Variants in EHMT1 observed in about 807,000 individuals in gnomAD.
EHMT1 encodes euchromatic histone lysine methyltransferase 1, also known as histone-lysine N-methyltransferase EHMT1.
In EHMT1, 15 loss-of-function variants were observed where a neutral mutation model predicts 147.2. That is an observed-to-expected ratio of 0.10 (90% CI 0.07 to 0.16). The LOEUF (loss-of-function observed/expected upper bound fraction) is 0.16, where lower values mean the gene tolerates loss of function less well. EHMT1 is among the 10% of genes least tolerant of loss of function. EHMT1 has a pLI of 1.00. For synonymous variants in EHMT1, 795 were observed against 709.6 expected, an observed-to-expected ratio of 1.12 and a Z score of -1.91; for missense variants, 1,587 against 1,772.4, an observed-to-expected ratio of 0.90 and a Z score of 1.88.
intron 6 of EHMT1, among the ~76,000 whole-genome samples, chr9:137,750,852 G>A (rs1192810547): frequency 1.3e-5 from 2 of 152,230 alleles, no homozygotes; most frequent in Admixed American, 6.5e-5. Flanking sequence ...TATAAAGGTC[G>A]ATTGTAAGAC....
chr9:137,788,052 C>T, intron 15 of EHMT1: 1 of 1,364,468 alleles, frequency 7.3e-7, no homozygotes, highest in Non-Finnish European at 1.0e-6. Flanking sequence ...CCTGATGGCT[C>T]CCGCTGGCAA....
intron 25 of EHMT1, among the ~76,000 whole-genome samples, chr9:137,829,109 C>T (rs1200464476): frequency 2.0e-5 from 3 of 152,236 alleles, no homozygotes; most frequent in Non-Finnish European, 2.9e-5. Flanking sequence ...GAGCTCGTGC[C>T]GTGCGCCCAC....
intron 18 of EHMT1, among the ~76,000 whole-genome samples, chr9:137,807,501 ATTTATTTAT>A (rs1564799996): frequency 6.6e-6 from 1 of 150,456 alleles, no homozygotes; most frequent in Non-Finnish European, 1.5e-5. Flanking sequence ...TTATTTATTT[ATTTATTTAT>A]TTATTTGTTT....
intron 16 of EHMT1, among the ~76,000 whole-genome samples, chr9:137,792,430 C>T (rs566827120): frequency 1.3e-5 from 2 of 152,172 alleles, no homozygotes; most frequent in Admixed American, 6.5e-5. Flanking sequence ...TACAGCTGGG[C>T]GTGGTGGCTC....
intron 4 of EHMT1, among the ~76,000 whole-genome samples, chr9:137,737,342 G>A (rs1464846206): frequency 2.0e-5 from 3 of 152,224 alleles, no homozygotes; most frequent in Admixed American, 1.3e-4. Context: ...AGAGAGCACA[G>A]AAATAAACCT....
chr9:137,667,758 C>T lies in EHMT1; in HGVS notation c.22-43209C>T, dbSNP rs546549385. 1.1e-4 allele frequency among the ~76,000 whole-genome samples: 17 copies of T among 152,200 alleles called. 1 individual carries two copies. The South Asian group carries it at 3.5e-3, about 32-fold the overall frequency. On this transcript the variant is annotated intron_variant, in intron 1 of 26. Transcript: ENST00000460843. ...GAAAGGAAATTGTCTACAGTGAAAG[C>T]GTTGTATTTTTAGAGAACTCGGGGA... is the stretch of plus-strand genomic sequence containing the variant.
intron 15 of EHMT1, chr9:137,784,615 C>G: frequency 1.0e-5 from 2 of 191,098 alleles, no homozygotes; most frequent in Non-Finnish European, 1.9e-5. Flanking sequence ...CTGTCAGTCT[C>G]ACATGCAGAC....
chr9:137,826,587 T>C lies in EHMT1; in HGVS notation c.3541-7762T>C, dbSNP rs7858116. On this transcript the variant is annotated intron_variant, in intron 25 of 26. Coordinates refer to ENST00000460843, the MANE Select transcript of EHMT1 (RefSeq NM_024757.5). ...AGTCCAAGGTCAAGGCACCTACTGG[T>C]TTGGTTCTCAGGAGGACCCCACCGC... 4.1e-3 allele frequency among the ~76,000 whole-genome samples: 623 copies of C among 152,276 alleles called. 5 individuals carry two copies. Among genetic ancestry groups the C allele is most frequent in the African/African-American group, 0.013 (527 of 41,552 alleles).
chr9:137,664,288 CTTTTT>C (rs796427218), intron 1 of EHMT1, among the ~76,000 whole-genome samples: 1 of 142,238 alleles, frequency 7.0e-6, no homozygotes, highest in African/African-American at 2.6e-5. Context: ...TTTAGCCATA[CTTTTT>C]TTTTTTTTTT....
At chr9:137,674,044 T>C (rs1459017296) in intron 1 of EHMT1, among the ~76,000 whole-genome samples, 1 of 152,200 alleles carries the variant, frequency 6.6e-6, no homozygotes, top group Non-Finnish European at 1.5e-5. Context: ...AGCTGCTTTT[T>C]TCACACACTG....
Position 137,813,432 on chromosome 9 carries a change from G to A in EHMT1, c.3082G>A (p.Ala1028Thr), listed in dbSNP as rs772023246. 18 of 1,613,468 alleles carry A rather than the reference G, an allele frequency of 1.1e-5. No homozygotes were observed. The African/African-American group carries it at 1.5e-4, about 13-fold the overall frequency. Residue 1028 changes from alanine to threonine, a missense_variant, in exon 21 of 27, where the codon GCC (alanine) becomes ACC (threonine). By Grantham distance (58) the Ala-to-Thr change is moderately conservative. This residue lies in a region of EHMT1 where 156 missense variants were observed against 252.5 expected (regional missense o/e 0.62). Transcript: ENST00000460843. This position sits in a 1 kb window ranked among gnomAD's most constrained non-coding sequence, Gnocchi z 4.9. ...YERIPIPCVNAVDSEPCPSNY... is the reference protein window; with the variant it reads ...YERIPIPCVNTVDSEPCPSNY... ...GCGCATCCCCATCCCCTGTGTCAAC[G>A]CCGTGGACAGCGAGCCATGCCCCAG...
intron 10 of EHMT1, among the ~76,000 whole-genome samples, chr9:137,768,142 C>T (rs1950331187): frequency 6.6e-6 from 1 of 152,098 alleles, no homozygotes; most frequent in South Asian, 2.1e-4. Flanking sequence ...GATGTTCAGA[C>T]CAGCAAAATC....
chr9:137,729,669 C>G (rs899655714), intron 4 of EHMT1, among the ~76,000 whole-genome samples: 1 of 152,108 alleles, frequency 6.6e-6, no homozygotes, highest in African/African-American at 2.4e-5. Context: ...TCCTGTGTAC[C>G]CTTTATTCAT....
At chr9:137,702,923 G>A (rs957115392) in intron 1 of EHMT1, among the ~76,000 whole-genome samples, 3 of 152,292 alleles carry the variant, frequency 2.0e-5, no homozygotes, top group African/African-American at 7.2e-5. Flanking sequence ...ACAGGCATGC[G>A]CCACCACAGA....
At chr9:137,642,787 A>G (rs1844588197) in intron 1 of EHMT1, among the ~76,000 whole-genome samples, 2 of 152,232 alleles carry the variant, frequency 1.3e-5, no homozygotes, top group Admixed American at 6.5e-5. Flanking sequence ...AGGAGAAAAA[A>G]CAAATTATAA....
At chr9:137,825,112 G>T (rs1416768963) in intron 25 of EHMT1, among the ~76,000 whole-genome samples, 1 of 152,184 alleles carries the variant, frequency 6.6e-6, no homozygotes, top group Non-Finnish European at 1.5e-5. Context: ...TTCCTTGCTG[G>T]CTGGCAACCG....
At chr9:137,642,763 C>G (rs1036415913) in intron 1 of EHMT1, among the ~76,000 whole-genome samples, 1 of 152,206 alleles carries the variant, frequency 6.6e-6, no homozygotes, top group Non-Finnish European at 1.5e-5. Flanking sequence ...ACGCAATTGT[C>G]TTTCAAATCA....
At chr9:137,661,043 G>A (rs576066996) in intron 1 of EHMT1, among the ~76,000 whole-genome samples, 9 of 152,246 alleles carry the variant, frequency 5.9e-5, no homozygotes, top group Admixed American at 1.3e-4. Flanking sequence ...ATATGATGTC[G>A]AAAAGAAACA....
chr9:137,705,958 A>G (rs1303670351), intron 1 of EHMT1, among the ~76,000 whole-genome samples: 1 of 151,920 alleles, frequency 6.6e-6, no homozygotes, highest in Non-Finnish European at 1.5e-5. Flanking sequence ...TGGACTTCCA[A>G]ATTGCGAGGT....
Sources: gnomAD v4.1 joint callset for allele counts (sites outside exome capture counted in the v4.1 genomes callset) on GRCh38, gnomAD v4.1.1 for gene constraint, gnomAD v4.1.1 regional missense constraint, Gnocchi (gnomAD v3.1) non-coding constraint, MANE v1.5 for transcripts, NCBI Gene and HGNC (gene_info 2026-07-23, HGNC 2026-07-21) for gene names.